The following TMEM181 variants were observed in gnomAD, a reference collection of about 807,000 sequenced individuals.
TMEM181 encodes the protein transmembrane protein 181.
Under a neutral mutation model 71.9 loss-of-function variants are expected in TMEM181, and 39 were observed. The ratio of observed to expected loss-of-function variants is 0.54; its 90% CI spans 0.42 to 0.71. TMEM181 has a LOEUF of 0.71. Ranked by LOEUF, TMEM181 falls within the 30% of genes least tolerant of loss-of-function variation. TMEM181 has a pLI of 0.00. For missense variants in TMEM181, 595 were observed against 583.0 expected (o/e 1.02, Z -0.21); for synonymous variants, 245 against 228.8 (o/e 1.07, Z -0.64).
At chr6:158,628,983 T>C (rs936955521) in intron 14 of TMEM181, among the ~76,000 whole-genome samples, 7 of 152,090 alleles carry the variant, frequency 4.6e-5, no homozygotes, top group Non-Finnish European at 8.8e-5. Context: ...GGTATGACAG[T>C]TGTGGCAGGT....
At chr6:158,612,084 G>A (rs1274848982) in intron 10 of TMEM181, among the ~76,000 whole-genome samples, 1 of 152,158 alleles carries the variant, frequency 6.6e-6, no homozygotes, top group African/African-American at 2.4e-5. Context: ...ATTTTTGGGG[G>A]CCCATTTACA....
chr6:158,567,332 G>A (rs965784054), intron 1 of TMEM181, among the ~76,000 whole-genome samples: 5 of 152,250 alleles, frequency 3.3e-5, no homozygotes, highest in African/African-American at 1.2e-4. Flanking sequence ...CCCTTGCCTA[G>A]CATCTCTCCA....
chr6:158,566,771 A>G (rs62437801), intron 1 of TMEM181, among the ~76,000 whole-genome samples: 98,900 of 150,504 alleles, frequency 0.66, 33,068 homozygotes, highest in African/African-American at 0.79. Context: ...GGAGGTGATG[A>G]TGAGGCTGTG....
intron 6 of TMEM181, among the ~76,000 whole-genome samples, chr6:158,599,241 A>C (rs1561677): frequency 0.35 from 53,756 of 152,112 alleles, 10,463 homozygotes; most frequent in East Asian, 0.75. Flanking sequence ...TGCACGGAGG[A>C]CAAGGTTGTG....
chr6:158,608,855 T>C lies in TMEM181; in HGVS notation c.896+105T>C, dbSNP rs569046418. On this transcript the variant is annotated intron_variant, in intron 10 of 16. Coordinates refer to ENST00000684151, the MANE Select transcript of TMEM181 (RefSeq NM_001376852.1). ...GCTCACGCCTGTAATCCCAGCACTT[T>C]GACAGGCTGAGGCAGGCAAGTCACT... 35 of 1,071,300 alleles carry C rather than the reference T, an allele frequency of 3.3e-5. No individual in the cohort carries two copies. The African/African-American group carries it at 4.8e-4, about 15-fold the overall frequency. 66.4% of individuals were successfully genotyped at this position (1,071,300 alleles called of 1,614,324 possible).
intron 1 of TMEM181, among the ~76,000 whole-genome samples, chr6:158,562,121 T>C (rs1197958449): frequency 1.3e-5 from 2 of 152,176 alleles, no homozygotes; most frequent in Non-Finnish European, 2.9e-5. Context: ...ACCGTCCCCC[T>C]GCAGACCCTG....
At chr6:158,556,132 T>A (rs1562617610), upstream of TMEM181, among the ~76,000 whole-genome samples, 1 of 152,104 alleles carries the variant, frequency 6.6e-6, no homozygotes, top group Non-Finnish European at 1.5e-5. Context: ...GACAAAAAAG[T>A]CTTTTATCAT....
In TMEM181 at chr6:158,631,196, G is replaced by A. The variant is rs564067148; in HGVS notation, c.1283-127G>A. 5 of 945,856 alleles carry A rather than the reference G, an allele frequency of 5.3e-6. No individual in the cohort carries two copies. In the South Asian group the frequency reaches 6.9e-5, roughly 13 times the overall value. 58.6% of individuals were successfully genotyped at this position (945,856 alleles called of 1,614,324 possible). ...CACGAGATGTGTTCAGGTTTATACAGACATGGCAGCTCTGCGATTTGAGTC... is the reference window on the plus strand; with the variant it reads ...CACGAGATGTGTTCAGGTTTATACAAACATGGCAGCTCTGCGATTTGAGTC... On this transcript the variant is annotated intron_variant, in intron 15 of 16. Transcript: ENST00000684151.
chr6:158,546,027 TA>T (rs1377769940), intron 1 of TMEM181, among the ~76,000 whole-genome samples: 1 of 152,224 alleles, frequency 6.6e-6, no homozygotes, highest in Non-Finnish European at 1.5e-5. Context: ...TTCCCTGGCT[TA>T]TCTATCTGGC....
chr6:158,606,327 C>T (rs1386498192), intron 7 of TMEM181, among the ~76,000 whole-genome samples: 3 of 152,220 alleles, frequency 2.0e-5, no homozygotes, highest in Non-Finnish European at 4.4e-5. Flanking sequence ...ACGCCCAGCC[C>T]AGGGCCTCCA....
chr6:158,604,342 GT>G (rs1784829323), intron 6 of TMEM181, among the ~76,000 whole-genome samples: 1 of 152,202 alleles, frequency 6.6e-6, no homozygotes, highest in Admixed American at 6.5e-5. Context: ...ATGCGTGTGT[GT>G]GTGTGTGTGC....
At chr6:158,591,509 A>T (rs147572970) in intron 6 of TMEM181, among the ~76,000 whole-genome samples, 507 of 152,132 alleles carry the variant, frequency 3.3e-3, no homozygotes, top group African/African-American at 0.011. Context: ...CCTGGATCTT[A>T]GTCTTCAGAG....
chr6:158,627,053 TCA>T (rs1231632082), intron 13 of TMEM181, among the ~76,000 whole-genome samples: 3 of 143,066 alleles, frequency 2.1e-5, no homozygotes, highest in African/African-American at 8.0e-5. Context: ...ACCCTCATTC[TCA>T]CACCCTCACA....
At chr6:158,557,129 C>G (rs375860392), upstream of TMEM181, among the ~76,000 whole-genome samples, 1 of 152,182 alleles carries the variant, frequency 6.6e-6, no homozygotes, top group African/African-American at 2.4e-5. Context: ...GATCCCAGCA[C>G]TTTGGGAGGC....
intron 6 of TMEM181, among the ~76,000 whole-genome samples, chr6:158,599,213 AT>A (rs1460238969): frequency 6.6e-6 from 1 of 152,206 alleles, no homozygotes; most frequent in Non-Finnish European, 1.5e-5. Context: ...CTGCATGGGA[AT>A]TGACATCACC....
chr6:158,575,658 A>G (rs1165874684), intron 2 of TMEM181, among the ~76,000 whole-genome samples: 3 of 152,172 alleles, frequency 2.0e-5, no homozygotes, highest in Non-Finnish European at 4.4e-5. Context: ...AATTCTTTCC[A>G]GGAAACTAGA....
At chr6:158,589,183 A>T (rs918918861) in intron 5 of TMEM181, among the ~76,000 whole-genome samples, 1 of 152,214 alleles carries the variant, frequency 6.6e-6, no homozygotes, top group Non-Finnish European at 1.5e-5. Flanking sequence ...AGAGAGCAGG[A>T]TGGAGAGGAA....
chr6:158,627,424 C>T (rs1210461656), intron 13 of TMEM181, among the ~76,000 whole-genome samples: 1 of 152,218 alleles, frequency 6.6e-6, no homozygotes, highest in Admixed American at 6.5e-5. Context: ...GAGTGGCAAA[C>T]AACTAAATAC....
chr6:158,610,023 G>A (rs971669190), intron 10 of TMEM181: 2 of 221,602 alleles, frequency 9.0e-6, no homozygotes, highest in East Asian at 1.1e-4. Flanking sequence ...GTGAAGCAAT[G>A]CTTGTGTATC....
Sources: allele counts gnomAD v4.1 joint callset (sites outside exome capture counted in the v4.1 genomes callset), GRCh38; gene constraint gnomAD v4.1.1; transcripts MANE v1.5; gene names NCBI Gene and HGNC (gene_info 2026-07-23, HGNC 2026-07-21).